Variants in CEP112 observed in about 807,000 individuals in gnomAD.
CEP112 encodes centrosomal protein of 112 kDa.
CEP112 carries 127 observed loss-of-function variants against 153.0 expected under a neutral mutation model. That is an observed-to-expected ratio of 0.83 (90% CI 0.72 to 0.96). The LOEUF (loss-of-function observed/expected upper bound fraction) is 0.96, where lower values mean the gene tolerates loss of function less well. CEP112 is among the 40% of genes least tolerant of loss of function. The pLI is 0.00. For missense variants in CEP112, 1,089 were observed against 1,101.2 expected (o/e 0.99, Z 0.16); for synonymous variants, 358 against 374.4 (o/e 0.96, Z 0.51).
chr17:65,832,771 T>A (rs1051276103), intron 21 of CEP112, among the ~76,000 whole-genome samples: 3 of 151,796 alleles, frequency 2.0e-5, no homozygotes, highest in African/African-American at 7.3e-5. Flanking sequence ...TTCTACCAGA[T>A]GTACACAGAA....
intron 26 of CEP112, 56 bp from the exon 27 acceptor site, chr17:65,636,030 CA>C: frequency 1.3e-6 from 2 of 1,557,936 alleles, no homozygotes; most frequent in South Asian, 1.2e-5. Flanking sequence ...GTATGTCAAT[CA>C]AAAAATAAGC....
intron 21 of CEP112, among the ~76,000 whole-genome samples, chr17:65,783,708 C>T (rs939379142): frequency 6.6e-6 from 1 of 152,132 alleles, no homozygotes; most frequent in African/African-American, 2.4e-5. Context: ...AAGTATGATG[C>T]CCATACAAAA....
chr17:65,978,152 G>A (rs67207291), intron 17 of CEP112, among the ~76,000 whole-genome samples: 1 of 151,792 alleles, frequency 6.6e-6, no homozygotes, highest in African/African-American at 2.4e-5. Context: ...AGCCACCTGG[G>A]AGGCTGAGGC....
chr17:65,977,418 T>G (rs1056846792), intron 17 of CEP112, among the ~76,000 whole-genome samples: 1 of 152,192 alleles, frequency 6.6e-6, no homozygotes, highest in Non-Finnish European at 1.5e-5. Flanking sequence ...TGGTTAAGAA[T>G]AGAGGCTTTA....
chr17:65,682,606 C>T (rs1179272159), intron 24 of CEP112, among the ~76,000 whole-genome samples: 3 of 152,174 alleles, frequency 2.0e-5, no homozygotes, highest in Admixed American at 6.5e-5. Context: ...CACAACACAG[C>T]GCTCAATAAA....
intron 23 of CEP112, among the ~76,000 whole-genome samples, chr17:65,700,297 A>G (rs374353704): frequency 3.9e-5 from 6 of 152,284 alleles, no homozygotes; most frequent in African/African-American, 1.4e-4. Context: ...AAAGCATCTA[A>G]TCTAATGTGT....
In CEP112 at chr17:65,963,770, G is replaced by C. The variant is rs191551125; in HGVS notation, c.1737-2172C>G. Among the ~76,000 whole-genome samples the C allele has an allele frequency of 4.6e-5, 7 of 151,716 alleles. No homozygotes were observed. The East Asian group carries it at 9.7e-4, about 21-fold the overall frequency. On this transcript the variant is annotated intron_variant, in intron 17 of 26. Transcript: ENST00000535342. ...GGGATCCGCAAACAGGCACATTTTTGTTGACAGGCTGAAAGAGCATATCGT... is the reference window on the plus strand; with the variant it reads ...GGGATCCGCAAACAGGCACATTTTTCTTGACAGGCTGAAAGAGCATATCGT...
At chr17:65,807,701 G>T (rs1362750660) in intron 21 of CEP112, among the ~76,000 whole-genome samples, 1 of 152,348 alleles carries the variant, frequency 6.6e-6, no homozygotes, top group South Asian at 2.1e-4. Flanking sequence ...AGCCTTGGTG[G>T]CTTCCACATG....
chr17:65,781,618 A>G (rs1256952569), intron 21 of CEP112, among the ~76,000 whole-genome samples: 1 of 152,216 alleles, frequency 6.6e-6, no homozygotes, highest in African/African-American at 2.4e-5. Flanking sequence ...ATAAGGCTGT[A>G]GTAACCAAAA....
chr17:66,177,700 C>T (rs1399570292), intron 2 of CEP112, among the ~76,000 whole-genome samples: 2 of 152,074 alleles, frequency 1.3e-5, no homozygotes, highest in Non-Finnish European at 2.9e-5. Flanking sequence ...ACCCATTAAC[C>T]ATCCCTACTT....
chr17:65,651,487 T>C (rs2045772876), intron 24 of CEP112, among the ~76,000 whole-genome samples: 1 of 152,250 alleles, frequency 6.6e-6, no homozygotes, highest in African/African-American at 2.4e-5. Flanking sequence ...GTGATAGTTC[T>C]ACTCTCTCTT....
chr17:66,173,017 T>C (rs1216009396), intron 4 of CEP112, among the ~76,000 whole-genome samples: 1 of 152,204 alleles, frequency 6.6e-6, no homozygotes, highest in African/African-American at 2.4e-5. Context: ...CTCCCACCTC[T>C]TGAATAGCTA....
At chr17:66,189,842 G>A (rs756986193) in intron 1 of CEP112, among the ~76,000 whole-genome samples, 14 of 152,052 alleles carry the variant, frequency 9.2e-5, no homozygotes, top group African/African-American at 1.2e-4. Flanking sequence ...ACCAGCCTGG[G>A]CAACATAGTG....
At chr17:65,932,839 T>C (rs1463165208) in intron 18 of CEP112, among the ~76,000 whole-genome samples, 1 of 151,426 alleles carries the variant, frequency 6.6e-6, no homozygotes, top group East Asian at 2.0e-4. Flanking sequence ...AGGCCCAGAC[T>C]CCAAAACTGG....
intron 12 of CEP112, among the ~76,000 whole-genome samples, chr17:66,052,040 G>C (rs1465887556): frequency 1.3e-5 from 2 of 152,294 alleles, no homozygotes; most frequent in East Asian, 3.9e-4. Context: ...ATTTTATAAT[G>C]AAGTATAGGG....
intron 17 of CEP112, among the ~76,000 whole-genome samples, chr17:65,964,687 G>A (rs571755039): frequency 7.9e-6 from 1 of 127,142 alleles, no homozygotes; most frequent in Non-Finnish European, 1.7e-5. Context: ...GAGGGAAAGG[G>A]TGCTGTGGTT....
intron 23 of CEP112, among the ~76,000 whole-genome samples, chr17:65,721,277 T>A (rs540106568): frequency 6.6e-6 from 1 of 152,348 alleles, no homozygotes; most frequent in South Asian, 2.1e-4. Context: ...CCCAAAGTGC[T>A]GGGATTACAG....
chr17:66,103,001 A>G (rs1441786875), intron 6 of CEP112, among the ~76,000 whole-genome samples: 4 of 152,070 alleles, frequency 2.6e-5, no homozygotes, highest in Admixed American at 1.3e-4. Context: ...AGCTGGGCAG[A>G]TCACCTGAGG....
chr17:66,071,483 C>T (rs2067306143), intron 8 of CEP112, among the ~76,000 whole-genome samples: 1 of 152,054 alleles, frequency 6.6e-6, no homozygotes, highest in South Asian at 2.1e-4. Context: ...GCCAGATCTT[C>T]CCATAACACC....
Sources: allele counts gnomAD v4.1 joint callset (sites outside exome capture counted in the v4.1 genomes callset), GRCh38; gene constraint gnomAD v4.1.1; transcripts MANE v1.5; gene names NCBI Gene and HGNC (gene_info 2026-07-23, HGNC 2026-07-21).